ZNF16: variants seen among roughly 807,000 people sequenced by gnomAD.
ZNF16 encodes the protein zinc finger protein 16.
In ZNF16, 7 loss-of-function variants were observed where a neutral mutation model predicts 9.0. The ratio of observed to expected loss-of-function variants is 0.78; its 90% CI spans 0.44 to 1.47. The LOEUF (loss-of-function observed/expected upper bound fraction) is 1.47, where lower values mean the gene tolerates loss of function less well. Ranked by LOEUF, ZNF16 falls within the 40% of genes most tolerant of loss-of-function variation. ZNF16 has a pLI of 0.01. For missense variants in ZNF16, 830 were observed against 854.2 expected, an observed-to-expected ratio of 0.97 and a Z score of 0.35; for synonymous variants, 312 against 301.5, an observed-to-expected ratio of 1.03 and a Z score of -0.36.
intron 2 of ZNF16, among the ~76,000 whole-genome samples, chr8:144,939,359 C>T (rs1035159161): frequency 1.3e-5 from 2 of 152,028 alleles, no homozygotes; most frequent in Non-Finnish European, 2.9e-5. Flanking sequence ...AATCCTAGCA[C>T]TCTGGGAGGC....
intron 1 of ZNF16, among the ~76,000 whole-genome samples, chr8:144,949,997 A>G (rs1232729333): frequency 6.6e-6 from 1 of 152,230 alleles, no homozygotes; most frequent in Admixed American, 6.5e-5. Context: ...ACCCGATTGT[A>G]CATTTGTTCA....
In ZNF16 at chr8:144,932,009, TATG is replaced by T. The variant is rs759270026; in HGVS notation, c.775_777del (p.His259del). 2.5e-6 allele frequency: 4 copies of T among 1,614,070 alleles called. No homozygotes were observed. The African/African-American group carries it at 5.3e-5, about 22-fold the overall frequency. On this transcript the variant is annotated inframe_deletion, in exon 3 of 3. Coordinates refer to ENST00000394909, the MANE Select transcript of ZNF16 (RefSeq NM_006958.3). This position sits in a 1 kb window ranked among gnomAD's most constrained non-coding sequence, Gnocchi z 5.0. ...CTGCACTGGTAAGCTTTCTCACTCA[TATG>T]AGATCGATGACGGTTTTTAAGAACT...
chr8:144,936,851 C>T (rs1833693601), intron 2 of ZNF16, among the ~76,000 whole-genome samples: 1 of 151,910 alleles, frequency 6.6e-6, no homozygotes, highest in South Asian at 2.1e-4. Context: ...CATGCCACCA[C>T]TCCCAGCTAA....
At position 144,947,356 on chromosome 8, in the gene ZNF16, GGGGCCTGTATCCTGCTGT is replaced by G. The variant is rs1310157508; in HGVS notation, c.-9-1159_-9-1142del. ...CTGCTGTGGGCCTGTGTCCTGTTGT[GGGGCCTGTATCCTGCTGT>G]GGGCCTGTATCCTGCTGTGGGCCTG... On this transcript the variant is annotated intron_variant, in intron 1 of 2. Coordinates refer to ENST00000394909, the MANE Select transcript of ZNF16 (RefSeq NM_006958.3). Among the ~76,000 whole-genome samples, 101 of 126,186 alleles carry G rather than the reference GGGGCCTGTATCCTGCTGT, an allele frequency of 8.0e-4. 1 individual carries two copies. The highest frequency in any genetic ancestry group is 3.1e-3 in the East Asian group (14 of 4,488). 82.8% of individuals were successfully genotyped at this position (126,186 alleles called of 152,430 possible).
At position 144,931,204 on chromosome 8, in the gene ZNF16, C is replaced by A. The variant is rs755524064; in HGVS notation, c.1583G>T (p.Arg528Leu). The A allele has an allele frequency of 3.1e-6, 5 of 1,612,896 alleles. No individual in the cohort carries two copies. Among genetic ancestry groups the A allele is most frequent in the Non-Finnish European group, 4.2e-6 (5 of 1,179,708 alleles). The stretch of plus-strand genomic sequence containing the variant: ...CTGGTGAAGGATGAGGTTGGAGCTG[C>A]GACCAAAGGTCTTCCCACACTCGTG... ...ACHECGKTFG[R>L]SSNLILHQRV... Residue 528 changes from arginine (R) to leucine (L), a missense_variant, in exon 3 of 3, where the codon CGC (arginine) becomes CTC (leucine). Arg to Leu is a moderately radical substitution (Grantham distance 102). Coordinates refer to ENST00000394909, the MANE Select transcript of ZNF16 (RefSeq NM_006958.3).
chr8:144,947,467 C>T (rs1833992766), intron 1 of ZNF16, among the ~76,000 whole-genome samples: 1 of 152,148 alleles, frequency 6.6e-6, no homozygotes, highest in African/African-American at 2.4e-5. Flanking sequence ...GCTGGGCAGG[C>T]CAGACCCACC....
At chr8:144,938,518 C>T (rs1405942207) in intron 2 of ZNF16, among the ~76,000 whole-genome samples, 1 of 152,148 alleles carries the variant, frequency 6.6e-6, no homozygotes, top group Non-Finnish European at 1.5e-5. Context: ...CCTATTGATG[C>T]TATTGTATAT....
At chr8:144,945,927 A>C in intron 2 of ZNF16, 84 bp downstream of exon 2, 1 of 1,547,402 alleles carries the variant, frequency 6.5e-7, no homozygotes, top group Non-Finnish European at 8.8e-7. Context: ...GATGACACAG[A>C]TGCCTCCTAG....
intron 2 of ZNF16, among the ~76,000 whole-genome samples, chr8:144,942,103 A>G (rs1214963550): frequency 6.8e-5 from 10 of 146,164 alleles, no homozygotes; most frequent in Admixed American, 3.5e-4. Flanking sequence ...TCAGCCTCCC[A>G]AGTAGCTGGG....
At chr8:144,935,839 G>C (rs1833669333) in intron 2 of ZNF16, among the ~76,000 whole-genome samples, 1 of 152,182 alleles carries the variant, frequency 6.6e-6, no homozygotes, top group African/African-American at 2.4e-5. Context: ...CTGTGTGTTG[G>C]ACAAACCCCA....
At chr8:144,947,532 G>A (rs1321748481) in intron 1 of ZNF16, among the ~76,000 whole-genome samples, 1 of 152,186 alleles carries the variant, frequency 6.6e-6, no homozygotes, top group Non-Finnish European at 1.5e-5. Context: ...AGCCTGTGCT[G>A]CAGCCCCACA....
In ZNF16 at chr8:144,946,670, G is replaced by A. The variant is rs1306136908; in HGVS notation, c.-9-455C>T. 2.7e-5 allele frequency among the ~76,000 whole-genome samples: 3 copies of A among 113,066 alleles called. 1 individual carries two copies. The highest frequency in any genetic ancestry group is 6.1e-4 in the South Asian group (2 of 3,284). 74.2% of individuals were successfully genotyped at this position (113,066 alleles called of 152,430 possible). ...TGGGCCTGTGTCCTACTGTGGGCCT[G>A]TACCCTACTGTGGGCCATACCCTGC... is the stretch of plus-strand genomic sequence containing the variant. On this transcript the variant is annotated intron_variant, in intron 1 of 2. Coordinates refer to ENST00000394909, the MANE Select transcript of ZNF16 (RefSeq NM_006958.3).
In ZNF16 at chr8:144,931,871, A is replaced by G. The variant is rs761910075; in HGVS notation, c.916T>C (p.Ser306Pro). Reference sequence around the variant, plus strand: ...GACTTTTGGTGCTTTTTAAGGCTCGAGTTCTGGCTGAAGGCTTTTCCACAT... The same window carrying G: ...GACTTTTGGTGCTTTTTAAGGCTCGGGTTCTGGCTGAAGGCTTTTCCACAT... The part of the protein sequence containing the change: ...NECGKAFSQN[S>P]SLKKHQKSHM... Residue 306 changes from serine (S) to proline (P), a missense_variant, in exon 3 of 3, where the codon TCG becomes CCG. Physicochemically the swap from Ser to Pro is moderately conservative, Grantham distance 74 (BLOSUM62 -1). Coordinates refer to ENST00000394909, the MANE Select transcript of ZNF16 (RefSeq NM_006958.3). 10 of 1,614,088 alleles carry G rather than the reference A, an allele frequency of 6.2e-6. No individual in the cohort carries two copies. Among genetic ancestry groups the G allele is most frequent in the Non-Finnish European group, 8.5e-6 (10 of 1,180,016 alleles).
rs540687641 is a variant in ZNF16 at position 144,950,185 on chromosome 8, C to T, written c.-10+612G>A. Among the ~76,000 whole-genome samples the T allele has an allele frequency of 2.3e-4, 35 of 152,296 alleles. 1 individual carries two copies. The South Asian group carries it at 5.2e-3, about 23-fold the overall frequency. On this transcript the variant is annotated intron_variant, in intron 1 of 2. Coordinates refer to ENST00000394909, the MANE Select transcript of ZNF16 (RefSeq NM_006958.3). ...CTTAATTATGGCACAGATTCTTTTG[C>T]TCACATGCTTTTTTTTGCTGACCTT...
intron 1 of ZNF16, among the ~76,000 whole-genome samples, chr8:144,947,249 C>T (rs541278669): frequency 7.7e-6 from 1 of 129,110 alleles, no homozygotes; most frequent in Non-Finnish European, 1.6e-5. Context: ...TGCTGTGGGG[C>T]CTGTGTCCTG....
intron 2 of ZNF16, among the ~76,000 whole-genome samples, chr8:144,939,139 A>G (rs1215255943): frequency 2.6e-5 from 4 of 152,058 alleles, no homozygotes; most frequent in Non-Finnish European, 5.9e-5. Context: ...TGGGAGTTTT[A>G]TATCTCTAGC....
At chr8:144,939,171 ATTTTC>A (rs1407989632) in intron 2 of ZNF16, among the ~76,000 whole-genome samples, 3 of 151,840 alleles carry the variant, frequency 2.0e-5, no homozygotes, top group African/African-American at 4.8e-5. Flanking sequence ...TTGGTTTGTA[ATTTTC>A]TTTTCTTGTC....
chr8:144,932,137 G>A lies in ZNF16; in HGVS notation c.650C>T (p.Thr217Ile). The A allele has an allele frequency of 6.2e-7, 1 of 1,614,176 alleles. No individual in the cohort carries two copies. Among genetic ancestry groups the A allele is most frequent in the Non-Finnish European group, 8.5e-7 (1 of 1,180,020 alleles). The change falls in exon 3 of 3, where the codon ACC becomes ATC. Residue 217 changes from threonine to isoleucine, a missense_variant. Physicochemically the swap from Thr to Ile is moderately conservative, Grantham distance 89. Coordinates refer to ENST00000394909, the MANE Select transcript of ZNF16 (RefSeq NM_006958.3). This position sits in a 1 kb window ranked among gnomAD's most constrained non-coding sequence, Gnocchi z 5.0. ...AATAAGGTCAGGATTTCCTTGGAAG[G>A]TTTTCCCACACTCATTACATATGAG... The part of the protein sequence containing the change: ...SPLICNECGK[T>I]FQGNPDLIQR...
chr8:144,937,143 C>CTTTTTTTTTTTT (rs58306145), intron 2 of ZNF16, among the ~76,000 whole-genome samples: 1 of 110,966 alleles, frequency 9.0e-6, no homozygotes. Flanking sequence ...CTTTCTCTCT[C>CTTTTTTTTTTTT]TTTTTTTTTT....
Sources: gnomAD v4.1 joint callset for allele counts (sites outside exome capture counted in the v4.1 genomes callset) on GRCh38, gnomAD v4.1.1 for gene constraint, Gnocchi (gnomAD v3.1) non-coding constraint, MANE v1.5 for transcripts, NCBI Gene and HGNC (gene_info 2026-07-23, HGNC 2026-07-21) for gene names.